KCNH8: variants seen among roughly 807,000 people sequenced by gnomAD.
KCNH8 encodes voltage-gated delayed rectifier potassium channel KCNH8.
Under a neutral mutation model 103.6 loss-of-function variants are expected in KCNH8, and 70 were observed. The ratio of observed to expected loss-of-function variants is 0.68; its 90% CI spans 0.56 to 0.82. The LOEUF is 0.82. Among genes scored for constraint, KCNH8 ranks in the 40% least tolerant of loss-of-function variants. The pLI, the probability that KCNH8 is intolerant of heterozygous loss-of-function variation, is 0.00. For synonymous variants in KCNH8, 498 were observed against 489.4 expected (o/e 1.02, Z -0.23); for missense variants, 1,217 against 1,329.9 (o/e 0.92, Z 1.32).
intron 1 of KCNH8, among the ~76,000 whole-genome samples, chr3:19,244,413 C>T (rs909219272): frequency 1.6e-4 from 24 of 152,114 alleles, no homozygotes; most frequent in Admixed American, 8.5e-4. Context: ...TATGAGTGCA[C>T]GTGTTTTTGT....
chr3:19,211,781 G>T (rs1392092385), intron 1 of KCNH8, among the ~76,000 whole-genome samples: 1 of 152,090 alleles, frequency 6.6e-6, no homozygotes, highest in Non-Finnish European at 1.5e-5. Flanking sequence ...CTTATGGAAA[G>T]TCATGCTGGA....
intron 2 of KCNH8, among the ~76,000 whole-genome samples, chr3:19,257,336 A>T (rs900555009): frequency 2.6e-5 from 4 of 152,006 alleles, no homozygotes; most frequent in African/African-American, 9.7e-5. Flanking sequence ...CAATTTCTCC[A>T]TGCTTCAGAG....
intron 11 of KCNH8, among the ~76,000 whole-genome samples, chr3:19,482,001 G>A (rs552322250): frequency 1.4e-4 from 21 of 152,224 alleles, no homozygotes; most frequent in African/African-American, 4.1e-4. Context: ...GCAGACTCAC[G>A]TCTCCAAAAA....
chr3:19,266,679 A>G (rs978177966), intron 2 of KCNH8, among the ~76,000 whole-genome samples: 1 of 152,128 alleles, frequency 6.6e-6, no homozygotes, highest in Non-Finnish European at 1.5e-5. Flanking sequence ...GCGAATGAAT[A>G]AATAGTTTTT....
chr3:19,288,618 T>C (rs531738421), intron 3 of KCNH8, among the ~76,000 whole-genome samples: 3 of 152,346 alleles, frequency 2.0e-5, no homozygotes, highest in Non-Finnish European at 2.9e-5. Context: ...ATTTTCTTAA[T>C]CCAGTCTATC....
At chr3:19,504,089 G>A in intron 11 of KCNH8, among the ~76,000 whole-genome samples, 1 of 152,020 alleles carries the variant, frequency 6.6e-6, no homozygotes, top group Non-Finnish European at 1.5e-5. Context: ...CCAGCAATGG[G>A]GAAAGGACTC....
rs2069237926 is a variant in KCNH8, at chr3:19,534,711, G to T, written c.*612G>T. ...TTTTTATATCCTTGGTATGAAATAT[G>T]TATTTAAACTATTTAAATATTTATA... is the stretch of plus-strand genomic sequence containing the variant. On this transcript the variant is annotated 3_prime_UTR_variant, in exon 16 of 16. Transcript: ENST00000328405. 1 of 152,428 alleles carries T rather than the reference G, an allele frequency of 6.6e-6. No homozygotes were observed. The highest frequency in any genetic ancestry group is 2.4e-5 in the African/African-American group (1 of 41,346). The allele number at this position is 152,428 out of a possible 1,614,324, so 9.4% of individuals were successfully genotyped here.
intron 8 of KCNH8, among the ~76,000 whole-genome samples, chr3:19,441,254 C>G (rs2067280218): frequency 1.3e-5 from 2 of 152,198 alleles, no homozygotes; most frequent in Admixed American, 1.3e-4. Context: ...TTTCTATGTT[C>G]TGATAACTGC....
chr3:19,149,521 T>C (rs1292275793), intron 1 of KCNH8, among the ~76,000 whole-genome samples: 2 of 152,002 alleles, frequency 1.3e-5, no homozygotes, highest in Non-Finnish European at 2.9e-5. Flanking sequence ...AAAAAATAGA[T>C]AGGATGTTGT....
intron 1 of KCNH8, among the ~76,000 whole-genome samples, chr3:19,208,102 A>G (rs2063734788): frequency 6.6e-6 from 1 of 151,944 alleles, no homozygotes; most frequent in African/African-American, 2.4e-5. Flanking sequence ...TGCTTATTCC[A>G]CAAGTTGAGA....
In KCNH8 at chr3:19,512,956, A is replaced by G. The variant is rs753409751; in HGVS notation, c.2080-14A>G. On this transcript the variant is annotated splice_polypyrimidine_tract_variant and intron_variant, in intron 12 of 15. Transcript: ENST00000328405. Reference sequence around the variant, plus strand: ...TTTGCAGTCTGTACTAATTTATATTATCCACTGATTTAGTCAGAGCCCAAG... The same window carrying G: ...TTTGCAGTCTGTACTAATTTATATTGTCCACTGATTTAGTCAGAGCCCAAG... The G allele has an allele frequency of 6.2e-7, 1 of 1,607,630 alleles. No individual in the cohort carries two copies. Among genetic ancestry groups the G allele is most frequent in the Non-Finnish European group, 8.5e-7 (1 of 1,177,348 alleles).
intron 4 of KCNH8, among the ~76,000 whole-genome samples, chr3:19,343,901 C>T (rs1384470077): frequency 3.3e-5 from 5 of 151,798 alleles, no homozygotes; most frequent in Admixed American, 6.6e-5. Flanking sequence ...GAAGCCAAAA[C>T]AAGATGTTTT....
intron 11 of KCNH8, among the ~76,000 whole-genome samples, chr3:19,469,502 C>T (rs976979931): frequency 6.6e-6 from 1 of 151,984 alleles, no homozygotes; most frequent in African/African-American, 2.4e-5. Context: ...TGCAGTGGCG[C>T]GATCTCGGCT....
chr3:19,348,995 G>A (rs1269059776), intron 5 of KCNH8, among the ~76,000 whole-genome samples: 2 of 151,622 alleles, frequency 1.3e-5, no homozygotes, highest in Non-Finnish European at 2.9e-5. Context: ...GTTTGCTTTG[G>A]ATGAGTTTGT....
chr3:19,222,955 T>C lies in KCNH8; in HGVS notation c.77-30699T>C, dbSNP rs75790876. Reference sequence around the variant, plus strand: ...CCTTTACCAAATCCTTTAAGTCCTTTAGAGCTCAGTTTCCTTATTTTATAT... The same window carrying C: ...CCTTTACCAAATCCTTTAAGTCCTTCAGAGCTCAGTTTCCTTATTTTATAT... On this transcript the variant is annotated intron_variant, in intron 1 of 15. Transcript: ENST00000328405. 2.3e-3 allele frequency among the ~76,000 whole-genome samples: 354 copies of C among 152,342 alleles called. 4 individuals are homozygous for C. The highest frequency in any genetic ancestry group is 7.9e-3 in the African/African-American group (329 of 41,590).
chr3:19,528,766 T>G (rs1159511884), intron 15 of KCNH8, among the ~76,000 whole-genome samples: 4 of 151,716 alleles, frequency 2.6e-5, no homozygotes, highest in African/African-American at 9.7e-5. Context: ...AAAATGGAGG[T>G]ATTGTATTTA....
Position 19,347,973 on chromosome 3 carries a change from CA to C in KCNH8, c.811+11del. 1.2e-6 allele frequency: 2 copies of C among 1,609,954 alleles called. No individual in the cohort carries two copies. The highest frequency in any genetic ancestry group is 2.2e-5 in the South Asian group (2 of 90,754). ...AGATTCTTTTTATTATAGGTAAGAA[CA>C]AACAGCTGCTTTCCTACGATATTTG... On this transcript the variant is annotated intron_variant, in intron 5 of 15. Transcript: ENST00000328405.
intron 11 of KCNH8, among the ~76,000 whole-genome samples, chr3:19,476,173 T>C (rs936841347): frequency 6.6e-6 from 1 of 152,196 alleles, no homozygotes; most frequent in Non-Finnish European, 1.5e-5. Flanking sequence ...AGCCCTCTTC[T>C]TCTTTTGTGG....
At chr3:19,214,474 A>G (rs1047506537) in intron 1 of KCNH8, among the ~76,000 whole-genome samples, 2 of 152,166 alleles carry the variant, frequency 1.3e-5, no homozygotes, top group African/African-American at 4.8e-5. Context: ...TATGGGCTAG[A>G]TCCAATGACT....
Sources: allele counts gnomAD v4.1 joint callset (sites outside exome capture counted in the v4.1 genomes callset), GRCh38; gene constraint gnomAD v4.1.1; transcripts MANE v1.5; gene names NCBI Gene and HGNC (gene_info 2026-07-23, HGNC 2026-07-21).